Variants in RGS7 observed in about 807,000 individuals in gnomAD.
RGS7 encodes regulator of G protein signaling 7.
In RGS7, 27 loss-of-function variants were observed where a neutral mutation model predicts 81.1. The ratio of observed to expected loss-of-function variants is 0.33; its 90% CI spans 0.25 to 0.46. RGS7 has a LOEUF of 0.46. RGS7 is among the 20% of genes least tolerant of loss of function. The pLI is 1.00. For synonymous variants in RGS7, 208 were observed against 207.7 expected, an observed-to-expected ratio of 1.00 and a Z score of -0.01; for missense variants, 396 against 607.4, an observed-to-expected ratio of 0.65 and a Z score of 3.66.
intron 3 of RGS7, among the ~76,000 whole-genome samples, chr1:241,070,947 A>G (rs889324814): frequency 6.6e-5 from 10 of 152,196 alleles, no homozygotes; most frequent in Admixed American, 2.6e-4. Context: ...TAATACCAGC[A>G]AGCACCAAGA....
chr1:241,304,464 T>C (rs1462243432), intron 2 of RGS7, among the ~76,000 whole-genome samples: 1 of 152,192 alleles, frequency 6.6e-6, no homozygotes, highest in Non-Finnish European at 1.5e-5. Context: ...GTTATAGATT[T>C]TTCCACTTGC....
intron 18 of RGS7, 42 bp downstream of exon 18, chr1:240,800,599 G>C (rs1313528815): frequency 8.0e-7 from 1 of 1,255,138 alleles, no homozygotes; most frequent in Non-Finnish European, 1.1e-6. Flanking sequence ...CAACTCAACA[G>C]ACAATGCAGA....
chr1:241,294,965 C>T (rs1304954359), intron 2 of RGS7, among the ~76,000 whole-genome samples: 1 of 152,142 alleles, frequency 6.6e-6, no homozygotes, highest in Non-Finnish European at 1.5e-5. Context: ...CTTCTCAGAA[C>T]ATACTCTGGT....
intron 4 of RGS7, among the ~76,000 whole-genome samples, chr1:240,956,915 T>G (rs909952151): frequency 6.6e-6 from 1 of 151,706 alleles, no homozygotes; most frequent in African/African-American, 2.4e-5. Context: ...CAAGTAGTAC[T>G]CCTCAAAACG....
chr1:240,920,261 T>C, intron 6 of RGS7: 1 of 1,275,890 alleles, frequency 7.8e-7, no homozygotes, highest in South Asian at 1.2e-5. Flanking sequence ...ACTTTGGTGG[T>C]GATCGTGGTG....
chr1:241,148,853 T>C (rs2103120024), intron 2 of RGS7, among the ~76,000 whole-genome samples: 1 of 152,406 alleles, frequency 6.6e-6, no homozygotes, highest in South Asian at 2.1e-4. Flanking sequence ...TGTAGATTAC[T>C]GTGTCTAAGA....
At chr1:241,270,989 C>A (rs1481093586) in intron 2 of RGS7, among the ~76,000 whole-genome samples, 1 of 152,088 alleles carries the variant, frequency 6.6e-6, no homozygotes, top group Admixed American at 6.5e-5. Context: ...AATCTCCTGA[C>A]CTCGTGATCC....
intron 2 of RGS7, among the ~76,000 whole-genome samples, chr1:241,286,902 A>C (rs1160669499): frequency 6.6e-6 from 1 of 152,208 alleles, no homozygotes; most frequent in African/African-American, 2.4e-5. Flanking sequence ...TTCAGGGCCA[A>C]ATCCCTGCAA....
intron 3 of RGS7, among the ~76,000 whole-genome samples, chr1:241,056,661 T>C (rs1021547491): frequency 1.3e-5 from 2 of 152,178 alleles, no homozygotes; most frequent in Non-Finnish European, 2.9e-5. Context: ...GTCAAGGCTG[T>C]AGAATTAGTA....
At chr1:240,846,300 TA>T (rs1284330395) in intron 9 of RGS7, among the ~76,000 whole-genome samples, 2 of 152,206 alleles carry the variant, frequency 1.3e-5, no homozygotes, top group African/African-American at 4.8e-5. Context: ...TTGCTCTGCT[TA>T]AATATTGTGG....
At chr1:240,947,201 T>C (rs1279419027) in intron 4 of RGS7, among the ~76,000 whole-genome samples, 1 of 152,188 alleles carries the variant, frequency 6.6e-6, no homozygotes, top group Non-Finnish European at 1.5e-5. Context: ...CCCCGTTGCA[T>C]CTTAGCAGTT....
chr1:241,271,203 A>C lies in RGS7; in HGVS notation c.78+84496T>G, dbSNP rs1037849158. Among the ~76,000 whole-genome samples, 1 of 152,158 alleles carries C rather than the reference A, an allele frequency of 6.6e-6. No individual in the cohort carries two copies. Among genetic ancestry groups the C allele is most frequent in the African/African-American group, 2.4e-5 (1 of 41,434 alleles). On this transcript the variant is annotated intron_variant, in intron 2 of 18. Transcript: ENST00000440928. The surrounding 1 kb of genome is among the most constrained non-coding windows in gnomAD (Gnocchi z 4.6). ...ATAATGTGGAGCTAAACAGTTCAAAATCTTGAACAGATCTTATCACCCTTA... is the reference window on the plus strand; with the variant it reads ...ATAATGTGGAGCTAAACAGTTCAAACTCTTGAACAGATCTTATCACCCTTA...
chr1:240,846,626 A>C (rs1290186730), intron 9 of RGS7, among the ~76,000 whole-genome samples: 1 of 152,156 alleles, frequency 6.6e-6, no homozygotes, highest in Non-Finnish European at 1.5e-5. Flanking sequence ...CCTCCATAAC[A>C]GTCCCTATTG....
At position 240,983,097 on chromosome 1, in the gene RGS7, A is replaced by T; in HGVS notation, c.208T>A (p.Leu70Ile). 1 of 1,545,374 alleles carries T rather than the reference A, an allele frequency of 6.5e-7. No individual in the cohort carries two copies. Among genetic ancestry groups the T allele is most frequent in the Non-Finnish European group, 8.9e-7 (1 of 1,121,150 alleles). Residue 70 changes from leucine to isoleucine, a missense_variant, in exon 4 of 19, where the codon TTA becomes ATA. By Grantham distance (5) the Leu-to-Ile change is conservative. Transcript: ENST00000440928. ...SDIVQWLIKN[L>I]TIEDPVEALH... ...TATTTACCTGGATCTTCTATAGTTA[A>T]GTTCTTTATCAACCATTGAACAATG...
intron 2 of RGS7, among the ~76,000 whole-genome samples, chr1:241,128,061 G>A (rs1033636879): frequency 3.3e-5 from 5 of 149,370 alleles, no homozygotes; most frequent in African/African-American, 1.2e-4. Flanking sequence ...GGTGGATCAC[G>A]AGGTCAGGAG....
chr1:240,863,219 A>T (rs775686411), intron 9 of RGS7, among the ~76,000 whole-genome samples: 29 of 152,284 alleles, frequency 1.9e-4, no homozygotes, highest in Admixed American at 1.2e-3. Flanking sequence ...CATGCCTATA[A>T]TCCCAGCACT....
At chr1:241,034,584 GA>G (rs1231825668) in intron 3 of RGS7, among the ~76,000 whole-genome samples, 1 of 152,102 alleles carries the variant, frequency 6.6e-6, no homozygotes, top group Non-Finnish European at 1.5e-5. Context: ...TCTTCAAAAG[GA>G]AACAATAAAA....
At chr1:241,320,235 T>C (rs1321039861) in intron 2 of RGS7, among the ~76,000 whole-genome samples, 1 of 152,234 alleles carries the variant, frequency 6.6e-6, no homozygotes, top group African/African-American at 2.4e-5. Flanking sequence ...TGCTGATATA[T>C]TAGGCCCCTT....
intron 2 of RGS7, among the ~76,000 whole-genome samples, chr1:241,229,419 A>G (rs1238284638): frequency 6.6e-6 from 1 of 152,182 alleles, no homozygotes; most frequent in Non-Finnish European, 1.5e-5. Context: ...TCTTGCCAAG[A>G]GTCCTCACGC....
Sources: gnomAD v4.1 joint callset for allele counts (sites outside exome capture counted in the v4.1 genomes callset) on GRCh38, gnomAD v4.1.1 for gene constraint, Gnocchi (gnomAD v3.1) non-coding constraint, MANE v1.5 for transcripts, NCBI Gene and HGNC (gene_info 2026-07-23, HGNC 2026-07-21) for gene names.